Variants in MN1 observed in about 807,000 individuals in gnomAD.
MN1 encodes the protein MN1 proto-oncogene, transcriptional regulator.
In MN1, 19 loss-of-function variants were observed where a neutral mutation model predicts 86.9. The observed-to-expected ratio is 0.22, with a 90% CI of 0.15 to 0.32. The LOEUF (loss-of-function observed/expected upper bound fraction) is 0.32. MN1 is among the 10% of genes least tolerant of loss of function. The probability of loss-of-function intolerance (pLI) is 1.00; values close to 1 mark genes in which losing one functional copy is unlikely to be tolerated. For missense variants in MN1, 1,841 were observed against 1,862.0 expected (o/e 0.99, Z 0.21); for synonymous variants, 928 against 849.6 (o/e 1.09, Z -1.60).
chr22:27,785,566 T>C (rs984971922), intron 1 of MN1, among the ~76,000 whole-genome samples: 2 of 152,232 alleles, frequency 1.3e-5, no homozygotes, highest in African/African-American at 4.8e-5. Flanking sequence ...ACTAAATTAG[T>C]TCATTAAGGA....
intron 1 of MN1, among the ~76,000 whole-genome samples, chr22:27,781,992 C>T (rs1371322021): frequency 3.3e-5 from 5 of 152,068 alleles, no homozygotes; most frequent in South Asian, 4.1e-4. Flanking sequence ...ATGGTTGACT[C>T]GGGCTCCTGG....
intron 1 of MN1, among the ~76,000 whole-genome samples, chr22:27,782,798 C>A (rs898126297): frequency 3.9e-5 from 6 of 152,210 alleles, no homozygotes; most frequent in African/African-American, 1.4e-4. Context: ...GGCTTCAAAG[C>A]CTGTGCCCTT....
chr22:27,779,163 G>T (rs534465928), intron 1 of MN1, among the ~76,000 whole-genome samples: 1 of 152,214 alleles, frequency 6.6e-6, no homozygotes, highest in Non-Finnish European at 1.5e-5. Flanking sequence ...TCTCTGGATG[G>T]GGTCCTCACC....
At chr22:27,759,739 ATTTGT>A (rs1356614238) in intron 1 of MN1, among the ~76,000 whole-genome samples, 3 of 152,206 alleles carry the variant, frequency 2.0e-5, no homozygotes, top group African/African-American at 7.2e-5. Context: ...CCTGATAAGT[ATTTGT>A]TAAGTGTTTT....
At chr22:27,751,365 C>T (rs1305369528) in intron 1 of MN1, among the ~76,000 whole-genome samples, 1 of 152,178 alleles carries the variant, frequency 6.6e-6, no homozygotes, top group Non-Finnish European at 1.5e-5. Context: ...GCAGGATAAA[C>T]TCAGAGTTTG....
rs750109978 is a variant in MN1 at position 27,798,433 on chromosome 22, C to T, written c.2111G>A (p.Gly704Asp). ...ALPSPGLQFG[G>D]SLGGLGQLQS... ...CAGCTGACCCAGGCCTCCCAGACTG[C>T]CCCCGAACTGCAGGCCCGGTGAAGG... The change falls in exon 1 of 2, where the codon GGC (glycine) becomes GAC (aspartate). Residue 704 changes from glycine (G) to aspartate (D), a missense_variant. Gly to Asp is a moderately conservative substitution (Grantham distance 94). Coordinates refer to ENST00000302326, the MANE Select transcript of MN1 (RefSeq NM_002430.3). The T allele has an allele frequency of 5.1e-6, 8 of 1,554,022 alleles. No homozygotes were observed. The Admixed American group carries it at 9.1e-5, about 18-fold the overall frequency.
intron 1 of MN1, among the ~76,000 whole-genome samples, chr22:27,796,298 GCTGA>G (rs1426593578): frequency 1.3e-5 from 2 of 152,140 alleles, no homozygotes; most frequent in African/African-American, 2.4e-5. Flanking sequence ...AGCGCTAGAG[GCTGA>G]CTAACTAGGA....
intron 1 of MN1, among the ~76,000 whole-genome samples, chr22:27,769,162 C>T (rs921412853): frequency 1.3e-5 from 2 of 152,148 alleles, no homozygotes; most frequent in African/African-American, 4.8e-5. Flanking sequence ...CATATTTCAC[C>T]TTAAGTCCAT....
chr22:27,765,541 G>A (rs1199733954), intron 1 of MN1, among the ~76,000 whole-genome samples: 2 of 152,234 alleles, frequency 1.3e-5, no homozygotes, highest in African/African-American at 4.8e-5. Context: ...ACCCCTGCAA[G>A]GCCTCTGAGG....
In MN1 at chr22:27,800,310, C is replaced by A; in HGVS notation, c.234G>T (p.Leu78Phe). The change falls in exon 1 of 2, where the codon TTG (leucine) becomes TTT (phenylalanine). Residue 78 changes from leucine (L) to phenylalanine (F), a missense_variant. By Grantham distance (22) the Leu-to-Phe change is conservative. Transcript: ENST00000302326. ...YGFHARGHSE[L>F]HAGGLQAQPV... ...GCTGCGCTTGCAGCCCCCCTGCGTG[C>A]AACTCCGAGTGGCCGCGCGCGTGGA... 6.3e-7 allele frequency: 1 copy of A among 1,577,944 alleles called. No homozygotes were observed. The highest frequency in any genetic ancestry group is 1.2e-5 in the South Asian group (1 of 84,860).
chr22:27,797,423 C>G lies in MN1; in HGVS notation c.3121G>C (p.Val1041Leu). Residue 1041 changes from valine to leucine, a missense_variant, in exon 1 of 2, where the codon GTG (valine) becomes CTG (leucine). Physicochemically the swap from Val to Leu is conservative, Grantham distance 32. Transcript: ENST00000302326. ...GAKSDSSSPNVGEFASDEVST... is the reference protein window; with the variant it reads ...GAKSDSSSPNLGEFASDEVST... ...ACCTCGTCCGAGGCGAACTCACCCA[C>G]GTTTGGCGAACTACTGTCCGACTTG... The G allele has an allele frequency of 6.2e-7, 1 of 1,610,644 alleles. No homozygotes were observed. Among genetic ancestry groups the G allele is most frequent in the Non-Finnish European group, 8.5e-7 (1 of 1,178,968 alleles).
rs750142382 is a variant in MN1, at chr22:27,800,298, C to A, written c.246G>T (p.Gly82=). The change falls in exon 1 of 2, where the codon GGG becomes GGT. Residue 82 remains glycine, a synonymous_variant. Transcript: ENST00000302326. ...AGCCGTGCACAGGCTGCGCTTGCAG[C>A]CCCCCTGCGTGCAACTCCGAGTGGC... is the stretch of plus-strand genomic sequence containing the variant. The part of the protein sequence containing the change: ...ARGHSELHAG[G]LQAQPVHGFF... 6.3e-7 allele frequency: 1 copy of A among 1,575,538 alleles called. No individual in the cohort carries two copies. Among genetic ancestry groups the A allele is most frequent in the African/African-American group, 1.4e-5 (1 of 73,812 alleles).
At position 27,798,304 on chromosome 22, in the gene MN1, G is replaced by C; in HGVS notation, c.2240C>G (p.Pro747Arg). The change falls in exon 1 of 2, where the codon CCG (proline) becomes CGG (arginine). Residue 747 changes from proline (P) to arginine (R), a missense_variant. Physicochemically the swap from Pro to Arg is moderately radical, Grantham distance 103 (BLOSUM62 -2). Transcript: ENST00000302326. ...GGACTGCCGGCCGGCTGCACCAAAC[G>C]GAAAGCCCGGCTGGCCCCCGAGCGC... is the stretch of plus-strand genomic sequence containing the variant. The part of the protein sequence containing the change: ...TSALGGQPGF[P>R]FGAAGRQSTP... 6.6e-7 allele frequency: 1 copy of C among 1,523,474 alleles called. No homozygotes were observed. Among genetic ancestry groups the C allele is most frequent in the Non-Finnish European group, 8.7e-7 (1 of 1,145,178 alleles). 94.4% of individuals were successfully genotyped at this position (1,523,474 alleles called of 1,614,324 possible). A position where few individuals can be genotyped will look rare whatever the true frequency, so the allele number is the denominator to read the frequency against.
rs745942587 is a variant in MN1 at position 27,799,914 on chromosome 22, G to A, written c.630C>T (p.Ser210=). The change falls in exon 1 of 2, where the codon AGC becomes AGT. Residue 210 remains serine, a synonymous_variant. Coordinates refer to ENST00000302326, the MANE Select transcript of MN1 (RefSeq NM_002430.3). ...GCTCCAGACTGTGGGAATCGGAGCC[G>A]CTGGAGGACGGCAGGCCGTGGAAGG... ...AASFHGLPSS[S]GSDSHSLEPR... The A allele has an allele frequency of 1.2e-6, 2 of 1,602,340 alleles. No homozygotes were observed. The highest frequency in any genetic ancestry group is 1.7e-6 in the Non-Finnish European group (2 of 1,175,522).
At chr22:27,777,722 A>C (rs1468702440) in intron 1 of MN1, among the ~76,000 whole-genome samples, 1 of 117,020 alleles carries the variant, frequency 8.5e-6, no homozygotes, top group Non-Finnish European at 1.8e-5. Flanking sequence ...CACACACACA[A>C]AATATTAGCT....
At chr22:27,771,074 C>T (rs1212571138) in intron 1 of MN1, among the ~76,000 whole-genome samples, 3 of 152,214 alleles carry the variant, frequency 2.0e-5, no homozygotes, top group African/African-American at 7.2e-5. Flanking sequence ...CTGCATTAAG[C>T]ACACTTCATC....
rs1476171438 is a variant in MN1, at chr22:27,800,722, C to T, written c.-179G>A. 19 of 702,022 alleles carry T rather than the reference C, an allele frequency of 2.7e-5. No individual in the cohort carries two copies. Among genetic ancestry groups the T allele is most frequent in the Non-Finnish European group, 4.5e-5 (19 of 426,276 alleles). 43.5% of individuals were successfully genotyped at this position (702,022 alleles called of 1,614,324 possible). A position where few individuals can be genotyped will look rare whatever the true frequency, so the allele number is the denominator to read the frequency against. ...AGGGACGGGGGGCGGGGTATTAGCT[C>T]CTCTCCTGAAGCTCCGATTCTGCCC... is the stretch of plus-strand genomic sequence containing the variant. On this transcript the variant is annotated 5_prime_UTR_variant, in exon 1 of 2. Transcript: ENST00000302326.
In MN1 at chr22:27,798,945, T is replaced by TGCTGCTGCTGCTGCTGCTGCTGCTGC. The variant is rs1933372448; in HGVS notation, c.1598_1599insGCAGCAGCAGCAGCAGCAGCAGCAGC (p.Gln542HisfsTer25). 7.1e-7 allele frequency: 1 copy of TGCTGCTGCTGCTGCTGCTGCTGCTGC among 1,414,102 alleles called. No homozygotes were observed. Among genetic ancestry groups the TGCTGCTGCTGCTGCTGCTGCTGCTGC allele is most frequent in the African/African-American group, 1.6e-5 (1 of 61,034 alleles). 87.6% of individuals were successfully genotyped at this position (1,414,102 alleles called of 1,614,324 possible). On this transcript the variant is annotated frameshift_variant, in exon 1 of 2. Transcript: ENST00000302326. LOFTEE classifies it high-confidence loss of function. ...GCTGTTGCTGCTGCTGCTGCTGCTG[T>TGCTGCTGCTGCTGCTGCTGCTGCTGC]TGCTGCTGCTGCTGCTGCTGCTGCT...
intron 1 of MN1, among the ~76,000 whole-genome samples, chr22:27,773,380 G>C (rs1260508139): frequency 6.6e-6 from 1 of 152,202 alleles, no homozygotes; most frequent in South Asian, 2.1e-4. Context: ...GAGGGAGAGA[G>C]GGAGGCCGCA....
Sources: allele counts gnomAD v4.1 joint callset (sites outside exome capture counted in the v4.1 genomes callset), GRCh38; gene constraint gnomAD v4.1.1; transcripts MANE v1.5; gene names NCBI Gene and HGNC (gene_info 2026-07-23, HGNC 2026-07-21).